Variants in NBPF11 observed in about 807,000 individuals in gnomAD.
NBPF11 encodes the protein NBPF family member NBPF11.
NBPF11 carries 72 observed loss-of-function variants against 93.9 expected under a neutral mutation model. The observed-to-expected ratio is 0.77, with a 90% CI of 0.63 to 0.93. The LOEUF (loss-of-function observed/expected upper bound fraction) is 0.93. NBPF11 is among the 40% of genes least tolerant of loss of function. The pLI is 0.00. For synonymous variants in NBPF11, 224 were observed against 304.9 expected, an observed-to-expected ratio of 0.73 and a Z score of 2.76; for missense variants, 705 against 802.2, an observed-to-expected ratio of 0.88 and a Z score of 1.46.
At chr1:148,109,459 A>G in intron 16 of NBPF11, 124 bp from the exon 17 acceptor site, 1 of 783,066 alleles carries the variant, frequency 1.3e-6, no homozygotes, top group Non-Finnish European at 2.2e-6. Flanking sequence ...GGAGACTTTG[A>G]GAGAAATATT....
rs1448908918 is a variant in NBPF11, at chr1:148,149,450, G to A, written c.-549+2300C>T. 1,191 of 1,587,728 alleles carry A rather than the reference G, an allele frequency of 7.5e-4. 6 individuals are homozygous for A. Among genetic ancestry groups the A allele is most frequent in the Middle Eastern group, 3.6e-3 (16 of 4,416 alleles). ...GGCGCTCTACGAGCGCTGCCCCAAG[G>A]CGGTGGAGCCGCTGTGGGTGGAGGG... On this transcript the variant is annotated intron_variant, in intron 1 of 23. Coordinates refer to ENST00000682118, the MANE Select transcript of NBPF11 (RefSeq NM_001385469.3).
intron 18 of NBPF11, among the ~76,000 whole-genome samples, chr1:148,108,143 T>C (rs1403175481): frequency 0.045 from 5,530 of 123,228 alleles, 161 homozygotes; most frequent in East Asian, 0.096. Flanking sequence ...GGATTTTAGA[T>C]GCTGAAAGTA....
At chr1:148,115,213 C>T (rs1364628101) in intron 14 of NBPF11, among the ~76,000 whole-genome samples, 15 of 121,422 alleles carry the variant, frequency 1.2e-4, no homozygotes, top group South Asian at 1.1e-3. Context: ...ATCTACGACG[C>T]TACAAAGAAA....
Position 148,119,713 on chromosome 1 carries a change from C to T in NBPF11, c.988+788G>A, listed in dbSNP as rs7524293. Among the ~76,000 whole-genome samples, 34 of 151,700 alleles carry T rather than the reference C, an allele frequency of 2.2e-4. No homozygotes were observed. The East Asian group carries it at 2.3e-3, about 10-fold the overall frequency. On this transcript the variant is annotated intron_variant, in intron 10 of 23. Coordinates refer to ENST00000682118, the MANE Select transcript of NBPF11 (RefSeq NM_001385469.3). ...CCCTGTCACCCAGGCTGGAGTGCAA[C>T]GGCAAAATCTTGGCTCACTGCAACC...
intron 12 of NBPF11, among the ~76,000 whole-genome samples, chr1:148,116,850 C>T (rs1379520735): frequency 2.3e-4 from 35 of 152,072 alleles, no homozygotes; most frequent in African/African-American, 8.2e-4. Context: ...GATCTGATTC[C>T]CAGGCACAGG....
intron 3 of NBPF11, among the ~76,000 whole-genome samples, chr1:148,137,324 G>A (rs1269054581): frequency 4.0e-5 from 6 of 151,122 alleles, no homozygotes; most frequent in Non-Finnish European, 4.4e-5. Context: ...GGCCTCTGGA[G>A]TCAGAGTAGA....
chr1:148,124,898 C>T lies in NBPF11; in HGVS notation c.278+1G>A. On this transcript the variant is annotated splice_donor_variant, in intron 6 of 23. Coordinates refer to ENST00000682118, the MANE Select transcript of NBPF11 (RefSeq NM_001385469.3). LOFTEE classifies it high-confidence loss of function. ...TGTCTCCCCCTACGGGGTCCCCTCA[C>T]CTGAGCTCCTCAGCTTGCTTGAGCT... 2.5e-6 allele frequency: 4 copies of T among 1,609,062 alleles called. No homozygotes were observed. The highest frequency in any genetic ancestry group is 3.4e-6 in the Non-Finnish European group (4 of 1,179,934).
chr1:148,103,860 G>T lies in NBPF11; in HGVS notation c.*36C>A. 1 of 1,611,362 alleles carries T rather than the reference G, an allele frequency of 6.2e-7. No homozygotes were observed. The highest frequency in any genetic ancestry group is 8.5e-7 in the Non-Finnish European group (1 of 1,179,392). ...GATGGAGTCGAATAATATCTATCCA[G>T]TGAGTCCTGTAAGACTTCAGGCACT... is the stretch of plus-strand genomic sequence containing the variant. On this transcript the variant is annotated 3_prime_UTR_variant, in exon 24 of 24. Coordinates refer to ENST00000682118, the MANE Select transcript of NBPF11 (RefSeq NM_001385469.3).
intron 4 of NBPF11, chr1:148,129,438 C>T: frequency 6.6e-6 from 1 of 151,842 alleles, no homozygotes; most frequent in Non-Finnish European, 1.5e-5. Flanking sequence ...CCCAGGCGGC[C>T]CCAGCAGCAG....
rs1413969859 is a variant in NBPF11, at chr1:148,139,089, C to T, written c.-276-1280G>A. On this transcript the variant is annotated intron_variant, in intron 2 of 23. Coordinates refer to ENST00000682118, the MANE Select transcript of NBPF11 (RefSeq NM_001385469.3). ...CCAAGGAAAAGAGAAATAACTCCAT[C>T]TCCAAAAAAAAAGATAAAATAAAAT... 2.0e-5 allele frequency among the ~76,000 whole-genome samples: 3 copies of T among 151,304 alleles called. No individual in the cohort carries two copies. The East Asian group carries it at 5.8e-4, about 29-fold the overall frequency.
At chr1:148,132,469 T>C (rs1670566089) in intron 4 of NBPF11, among the ~76,000 whole-genome samples, 1 of 150,108 alleles carries the variant, frequency 6.7e-6, no homozygotes, top group South Asian at 2.1e-4. Flanking sequence ...TATTTTATTA[T>C]TCTTGATCAT....
rs1389321554 is a variant in NBPF11, at chr1:148,115,734, CAG to C, written c.1585+57_1585+58del. The stretch of plus-strand genomic sequence containing the variant: ...AATTTGTGTTTATAGAGCCTGTCTT[CAG>C]AGTTTATCTTCCTCAGCCTAGAGAG... On this transcript the variant is annotated intron_variant, in intron 14 of 23. Transcript: ENST00000682118. 56 of 1,309,440 alleles carry C rather than the reference CAG, an allele frequency of 4.3e-5. 1 individual carries two copies. The highest frequency in any genetic ancestry group is 5.9e-5 in the Non-Finnish European group (54 of 916,586). The allele number at this position is 1,309,440 out of a possible 1,614,324, so 81.1% of individuals were successfully genotyped here.
chr1:148,142,602 G>A (rs1404749679), intron 2 of NBPF11, among the ~76,000 whole-genome samples: 2 of 152,168 alleles, frequency 1.3e-5, no homozygotes, highest in South Asian at 2.1e-4. Context: ...GACCTGGTGG[G>A]CAGCCACGTG....
At chr1:148,107,644 T>C (rs879025758) in intron 19 of NBPF11, 67 bp downstream of exon 19, 7 of 1,095,110 alleles carry the variant, frequency 6.4e-6, no homozygotes, top group Non-Finnish European at 8.5e-6. Context: ...CACACTCTTG[T>C]TTTCCCTGGA....
chr1:148,115,295 A>G (rs1322570724), intron 14 of NBPF11, among the ~76,000 whole-genome samples: 3 of 150,936 alleles, frequency 2.0e-5, no homozygotes, highest in Admixed American at 6.6e-5. Context: ...ATATATCAGC[A>G]AAGTAAAGAA....
At chr1:148,136,733 T>C (rs1330836865) in intron 3 of NBPF11, among the ~76,000 whole-genome samples, 1 of 151,894 alleles carries the variant, frequency 6.6e-6, no homozygotes, top group Non-Finnish European at 1.5e-5. Context: ...GTAGTTGTTA[T>C]TCTATGCCTG....
chr1:148,135,810 A>T lies in NBPF11; in HGVS notation c.-174T>A. On this transcript the variant is annotated 5_prime_UTR_variant, in exon 4 of 24. The change creates a new upstream start codon in the 5' untranslated region. Coordinates refer to ENST00000682118, the MANE Select transcript of NBPF11 (RefSeq NM_001385469.3). Reference sequence around the variant, plus strand: ...TTTTGTTTGACCATCCTTATCTTCAAGGGCTACCAAGAAGAAACAAATAAT... The same window carrying T: ...TTTTGTTTGACCATCCTTATCTTCATGGGCTACCAAGAAGAAACAAATAAT... 1 of 662,294 alleles carries T rather than the reference A, an allele frequency of 1.5e-6. No homozygotes were observed. Among genetic ancestry groups the T allele is most frequent in the Non-Finnish European group, 2.7e-6 (1 of 374,936 alleles). The allele number at this position is 662,294 out of a possible 1,614,324, so 41.0% of individuals were successfully genotyped here.
At chr1:148,136,596 C>G (rs1248583746) in intron 3 of NBPF11, among the ~76,000 whole-genome samples, 6 of 151,948 alleles carry the variant, frequency 3.9e-5, no homozygotes, top group South Asian at 2.1e-4. Context: ...GACAGAGGGT[C>G]AGTCCCAGGC....
intron 10 of NBPF11, among the ~76,000 whole-genome samples, chr1:148,119,503 A>T (rs1464930985): frequency 2.6e-5 from 4 of 151,770 alleles, no homozygotes; most frequent in African/African-American, 9.7e-5. Context: ...AGCCCAGGAG[A>T]CAGGCCCACG....
Sources: allele counts gnomAD v4.1 joint callset (sites outside exome capture counted in the v4.1 genomes callset), GRCh38; gene constraint gnomAD v4.1.1; transcripts MANE v1.5; gene names NCBI Gene and HGNC (gene_info 2026-07-23, HGNC 2026-07-21).